STPG2: variants seen among roughly 807,000 people sequenced by gnomAD.
STPG2 encodes sperm tail PG-rich repeat containing 2, also known as sperm-tail PG-rich repeat-containing protein 2.
STPG2 carries 56 observed loss-of-function variants against 54.2 expected under a neutral mutation model. The observed-to-expected ratio is 1.03, with a 90% CI of 0.83 to 1.29. The LOEUF is 1.29. Ranked by LOEUF, STPG2 falls within the 50% of genes most tolerant of loss-of-function variation. The pLI is 0.00. For missense variants in STPG2, 596 were observed against 544.9 expected, an observed-to-expected ratio of 1.09 and a Z score of -0.93; for synonymous variants, 200 against 181.8, an observed-to-expected ratio of 1.10 and a Z score of -0.81.
intron 9 of STPG2, among the ~76,000 whole-genome samples, chr4:97,752,963 A>C (rs1725624290): frequency 6.6e-6 from 1 of 151,848 alleles, no homozygotes; most frequent in East Asian, 1.9e-4. Flanking sequence ...TGCCATGTCA[A>C]TCTCCTCTGC....
At chr4:97,610,105 C>T (rs1449892594) in intron 10 of STPG2, among the ~76,000 whole-genome samples, 1 of 151,860 alleles carries the variant, frequency 6.6e-6, no homozygotes, top group African/African-American at 2.4e-5. Context: ...AATTTTGCTT[C>T]CTCAATTTTT....
intron 10 of STPG2, among the ~76,000 whole-genome samples, chr4:97,566,103 C>T (rs570048035): frequency 6.6e-6 from 1 of 152,300 alleles, no homozygotes; most frequent in Non-Finnish European, 1.5e-5. Flanking sequence ...TTCGAGCTTC[C>T]AGGCTGCTTT....
intron 9 of STPG2, among the ~76,000 whole-genome samples, chr4:97,836,674 G>A (rs546066442): frequency 6.6e-6 from 1 of 151,362 alleles, no homozygotes. Flanking sequence ...CCTCTTGTTT[G>A]TCCCCATGGA....
chr4:97,964,302 G>A (rs1734006915), intron 7 of STPG2, among the ~76,000 whole-genome samples: 1 of 152,116 alleles, frequency 6.6e-6, no homozygotes, highest in African/African-American at 2.4e-5. Context: ...CTGGGAACGT[G>A]GATCTTTTAT....
intron 9 of STPG2, among the ~76,000 whole-genome samples, chr4:97,810,282 G>T (rs2149096506): frequency 6.6e-6 from 1 of 152,120 alleles, no homozygotes; most frequent in East Asian, 1.9e-4. Context: ...TGGCCAACAT[G>T]GTGAAACCCC....
intron 7 of STPG2, among the ~76,000 whole-genome samples, chr4:97,967,863 T>C (rs10029281): frequency 2.0e-4 from 30 of 151,788 alleles, no homozygotes; most frequent in Non-Finnish European, 3.5e-4. Context: ...TAAAGCAGGG[T>C]GTAGAGGGAA....
chr4:97,566,247 G>A (rs916271358), intron 10 of STPG2, among the ~76,000 whole-genome samples: 4 of 152,164 alleles, frequency 2.6e-5, no homozygotes, highest in East Asian at 1.9e-4. Context: ...AGCCTGGTGC[G>A]GGATATAATC....
chr4:98,046,133 T>C (rs544158121), intron 5 of STPG2, among the ~76,000 whole-genome samples: 1 of 150,984 alleles, frequency 6.6e-6, no homozygotes. Context: ...CTGTTCTCTC[T>C]AGTCTGCTAT....
chr4:98,017,149 C>G (rs1451593255), intron 5 of STPG2, among the ~76,000 whole-genome samples: 1 of 152,216 alleles, frequency 6.6e-6, no homozygotes, highest in African/African-American at 2.4e-5. Context: ...ACTGGTACCT[C>G]AGTCTACTGA....
At chr4:97,533,823 T>C (rs528903892) in intron 4 of STPG2, among the ~76,000 whole-genome samples, 143 of 152,158 alleles carry the variant, frequency 9.4e-4, no homozygotes, top group Non-Finnish European at 1.4e-3. Context: ...TTTGGTGGTA[T>C]CTTAACAAAA....
intron 8 of STPG2, among the ~76,000 whole-genome samples, chr4:97,874,026 G>T (rs1247302948): frequency 6.6e-6 from 1 of 151,298 alleles, no homozygotes; most frequent in Non-Finnish European, 1.5e-5. Flanking sequence ...TAAGTAGAAT[G>T]GACATAATGA....
In STPG2 at chr4:97,513,973, T is replaced by C. The variant is rs887042559; in HGVS notation, c.462+198726A>G. 1.3e-5 allele frequency among the ~76,000 whole-genome samples: 2 copies of C among 152,020 alleles called. 1 individual carries two copies. The highest frequency in any genetic ancestry group is 1.3e-4 in the Admixed American group (2 of 15,226). ...AAAACAAAATAAAACAAACAAAATA[T>C]ATAAAGTCAGAAACAATGCTTCAAA... On this transcript the variant is annotated intron_variant, in intron 4 of 4. Transcript: ENST00000522676.
At chr4:97,502,968 T>C (rs1009304836) in intron 4 of STPG2, among the ~76,000 whole-genome samples, 1 of 152,072 alleles carries the variant, frequency 6.6e-6, no homozygotes, top group Non-Finnish European at 1.5e-5. Context: ...ACATTGAGGA[T>C]ATAAATTTGT....
At chr4:97,732,425 A>G (rs973861739) in intron 9 of STPG2, among the ~76,000 whole-genome samples, 1 of 152,114 alleles carries the variant, frequency 6.6e-6, no homozygotes, top group Non-Finnish European at 1.5e-5. Context: ...TTCCCAGCAC[A>G]CCATTTATTA....
At chr4:97,548,867 C>T (rs1731902954) in intron 4 of STPG2, among the ~76,000 whole-genome samples, 1 of 152,132 alleles carries the variant, frequency 6.6e-6, no homozygotes, top group Non-Finnish European at 1.5e-5. Flanking sequence ...CTATACTTAA[C>T]TATTGACAAT....
chr4:98,139,332 G>A (rs1290853183), intron 1 of STPG2, among the ~76,000 whole-genome samples: 2 of 152,200 alleles, frequency 1.3e-5, no homozygotes, highest in Non-Finnish European at 2.9e-5. Context: ...GACAGTGGGA[G>A]AACAGCAGTT....
intron 10 of STPG2, among the ~76,000 whole-genome samples, chr4:97,668,530 G>A (rs2148967261): frequency 6.6e-6 from 1 of 152,072 alleles, no homozygotes; most frequent in South Asian, 2.1e-4. Flanking sequence ...AAATGACTGT[G>A]AGAATAGAAA....
At chr4:97,539,927 A>G (rs953695647) in intron 4 of STPG2, among the ~76,000 whole-genome samples, 9 of 152,210 alleles carry the variant, frequency 5.9e-5, no homozygotes, top group Non-Finnish European at 1.0e-4. Context: ...TTTGAAACCA[A>G]TGAGAATAAA....
At position 97,972,315 on chromosome 4, in the gene STPG2, C is replaced by G; in HGVS notation, c.898G>C (p.Glu300Gln). Residue 300 changes from glutamate (E) to glutamine (Q), a missense_variant, in exon 7 of 11, where the codon GAA (glutamate) becomes CAA (glutamine). Coordinates refer to ENST00000295268, the MANE Select transcript of STPG2 (RefSeq NM_174952.3). ...GCAGGTCCAGGGGTAGCACAAGCTT[C>G]TTTCTGAACCGAGAAGAAAGTCCGA... Reference protein sequence around the residue: ...VPRTFFSVQKEACATPGPADY... With the variant: ...VPRTFFSVQKQACATPGPADY... The G allele has an allele frequency of 3.7e-6, 6 of 1,605,498 alleles. No homozygotes were observed. Among genetic ancestry groups the G allele is most frequent in the Non-Finnish European group, 5.1e-6 (6 of 1,176,178 alleles).
Sources: allele counts gnomAD v4.1 joint callset (sites outside exome capture counted in the v4.1 genomes callset), GRCh38; gene constraint gnomAD v4.1.1; transcripts MANE v1.5; gene names NCBI Gene and HGNC (gene_info 2026-07-23, HGNC 2026-07-21).